Variants in LOC400499 observed in about 807,000 individuals in gnomAD.
chr16:11,372,179 AGT>A, the LOC400499 span: 1 of 152,214 alleles, frequency 6.6e-6, no homozygotes, highest in Non-Finnish European at 1.5e-5. Flanking sequence ...ATTCAGTCCC[AGT>A]GTGTCTACCC....
the LOC400499 span, among the ~76,000 whole-genome samples, chr16:11,466,943 A>G: frequency 9.7e-4 from 147 of 151,876 alleles, no homozygotes; most frequent in Middle Eastern, 0.01. Context: ...GTGTGTATGC[A>G]CGCACACACA....
At chr16:11,520,731 G>T in the LOC400499 span, among the ~76,000 whole-genome samples, 1 of 151,142 alleles carries the variant, frequency 6.6e-6, no homozygotes, top group African/African-American at 2.4e-5. Flanking sequence ...GAAGTATGAA[G>T]GAGGCTCTGG....
chr16:11,486,910 G>A, the LOC400499 span, among the ~76,000 whole-genome samples: 1 of 129,070 alleles, frequency 7.7e-6, no homozygotes, highest in South Asian at 2.9e-4. Flanking sequence ...ATGAATCATG[G>A]GTGGGTGGTA....
chr16:11,503,386 T>C, the LOC400499 span, among the ~76,000 whole-genome samples: 1 of 152,166 alleles, frequency 6.6e-6, no homozygotes, highest in African/African-American at 2.4e-5. Flanking sequence ...CCTTCCCTCC[T>C]GGTACCCCTG....
At chr16:11,479,800 A>G in the LOC400499 span, among the ~76,000 whole-genome samples, 1 of 152,050 alleles carries the variant, frequency 6.6e-6, no homozygotes, top group Non-Finnish European at 1.5e-5. Context: ...GGTCATTTAC[A>G]TTTCACCAGT....
the LOC400499 span, chr16:11,443,320 T>C: frequency 6.0e-6 from 2 of 333,788 alleles, no homozygotes; most frequent in Non-Finnish European, 1.1e-5. Flanking sequence ...CAAGACTCGA[T>C]CCTCAGTCTC....
At chr16:11,378,075 C>T in the LOC400499 span, among the ~76,000 whole-genome samples, 14 of 152,122 alleles carry the variant, frequency 9.2e-5, 1 homozygote, top group East Asian at 2.7e-3. Flanking sequence ...TTTCTAATAA[C>T]TTAAGGTAGA....
At chr16:11,449,037 G>A in the LOC400499 span, 2 of 1,510,356 alleles carry the variant, frequency 1.3e-6, no homozygotes, top group East Asian at 2.5e-5. Context: ...CTGCACTGCT[G>A]CGTTCCAGGC....
At chr16:11,429,739 G>T in the LOC400499 span, among the ~76,000 whole-genome samples, 1 of 151,880 alleles carries the variant, frequency 6.6e-6, no homozygotes, top group South Asian at 2.1e-4. Context: ...CTCCCAAAGT[G>T]CTGGGATTAC....
the LOC400499 span, among the ~76,000 whole-genome samples, chr16:11,395,577 A>G: frequency 2.0e-5 from 3 of 152,228 alleles, no homozygotes; most frequent in Non-Finnish European, 2.9e-5. Flanking sequence ...CAGAAATGCC[A>G]TCCTCATTCA....
chr16:11,406,443 T>A, the LOC400499 span, among the ~76,000 whole-genome samples: 2 of 152,196 alleles, frequency 1.3e-5, no homozygotes, highest in African/African-American at 2.4e-5. Flanking sequence ...TTTCTTTTCT[T>A]CCTTTTGAGA....
At chr16:11,375,302 A>G in the LOC400499 span, among the ~76,000 whole-genome samples, 1 of 125,320 alleles carries the variant, frequency 8.0e-6, no homozygotes, top group East Asian at 2.0e-4. Context: ...CTGAAGTGGC[A>G]CCTCCATGTA....
At chr16:11,405,767 C>G in the LOC400499 span, among the ~76,000 whole-genome samples, 1 of 152,278 alleles carries the variant, frequency 6.6e-6, no homozygotes, top group Middle Eastern at 3.4e-3. Context: ...GGTCCCTCCC[C>G]ACACAGCAGC....
At chr16:11,421,874 T>G in the LOC400499 span, among the ~76,000 whole-genome samples, 1 of 152,196 alleles carries the variant, frequency 6.6e-6, no homozygotes, top group Non-Finnish European at 1.5e-5. Flanking sequence ...TGTAGAATAG[T>G]GTGAACGACC....
At chr16:11,485,562 C>T in the LOC400499 span, among the ~76,000 whole-genome samples, 3 of 152,226 alleles carry the variant, frequency 2.0e-5, no homozygotes, top group East Asian at 1.9e-4. Flanking sequence ...TCCATCTGCC[C>T]GTCCGCGCAC....
At chr16:11,459,417 C>T in the LOC400499 span, among the ~76,000 whole-genome samples, 2 of 151,866 alleles carry the variant, frequency 1.3e-5, no homozygotes, top group African/African-American at 4.8e-5. Flanking sequence ...AGGATGGTCT[C>T]GATCTCCTGA....
the LOC400499 span, among the ~76,000 whole-genome samples, chr16:11,416,421 G>A: frequency 6.6e-6 from 1 of 152,128 alleles, no homozygotes; most frequent in Non-Finnish European, 1.5e-5. Context: ...TAGACCAGGT[G>A]ACTCAACCTC....
chr16:11,387,312 G>C, the LOC400499 span: 2 of 1,232,202 alleles, frequency 1.6e-6, no homozygotes, highest in Non-Finnish European at 2.0e-6. Flanking sequence ...GGAATGCAGA[G>C]GACAAGTCAC....
chr16:11,494,153 T>C, the LOC400499 span, among the ~76,000 whole-genome samples: 4 of 9,482 alleles, frequency 4.2e-4, no homozygotes, highest in Admixed American at 1.3e-3. Context: ...GGCAGTGGCC[T>C]GGGCGGGGGC....
Sources: allele counts gnomAD v4.1 joint callset (sites outside exome capture counted in the v4.1 genomes callset), GRCh38; gene constraint gnomAD v4.1.1; transcripts MANE v1.5.